The following NPY2R variants were observed in gnomAD, a reference collection of about 807,000 sequenced individuals.
NPY2R encodes the protein neuropeptide Y receptor Y2.
In NPY2R, 17 loss-of-function variants were observed where a neutral mutation model predicts 22.3. The ratio of observed to expected loss-of-function variants is 0.76; its 90% CI spans 0.52 to 1.14. The LOEUF (loss-of-function observed/expected upper bound fraction) is 1.14. Ranked by LOEUF, NPY2R falls within the 50% of genes most tolerant of loss-of-function variation. The pLI is 0.00. For missense variants in NPY2R, 424 were observed against 467.9 expected, an observed-to-expected ratio of 0.91 and a Z score of 0.87; for synonymous variants, 209 against 183.4, an observed-to-expected ratio of 1.14 and a Z score of -1.13.
the NPY2R span, among the ~76,000 whole-genome samples, chr4:155,196,577 T>G: frequency 4.0e-5 from 6 of 151,862 alleles, no homozygotes; most frequent in African/African-American, 1.5e-4. Context: ...GGATTTGAAT[T>G]ATGTCTGGAA....
At position 155,210,156 on chromosome 4, in the gene NPY2R, C is replaced by T. The variant is rs571101387; in HGVS notation, c.-49+1087C>T. 2.6e-5 allele frequency among the ~76,000 whole-genome samples: 4 copies of T among 152,218 alleles called. No individual in the cohort carries two copies. In the East Asian group the frequency reaches 7.7e-4, roughly 29 times the overall value. The stretch of plus-strand genomic sequence containing the variant: ...TGTTTCCTTTGTGTGCTTTTGATGG[C>T]AACTTCCTCTGTGTACCATTTTCCT... On this transcript the variant is annotated intron_variant, in intron 1 of 1. Coordinates refer to ENST00000329476, the MANE Select transcript of NPY2R (RefSeq NM_000910.4).
chr4:155,188,673 A>G, the NPY2R span, among the ~76,000 whole-genome samples: 7 of 152,122 alleles, frequency 4.6e-5, no homozygotes, highest in Non-Finnish European at 1.0e-4. Flanking sequence ...AAGGGACTGA[A>G]GAAGCCTCCA....
At chr4:155,207,696 G>T (rs1326243627), upstream of NPY2R, 10 of 152,282 alleles carry the variant, frequency 6.6e-5, no homozygotes, top group Non-Finnish European at 2.9e-5. Context: ...GGAGGCTCTG[G>T]GCATTAGCGG....
chr4:155,174,446 T>A, the NPY2R span, among the ~76,000 whole-genome samples: 2 of 126,422 alleles, frequency 1.6e-5, no homozygotes, highest in Non-Finnish European at 3.1e-5. Flanking sequence ...AAATTTGGCA[T>A]ATCATTGGCT....
chr4:155,186,297 T>C, the NPY2R span, among the ~76,000 whole-genome samples: 11 of 152,176 alleles, frequency 7.2e-5, no homozygotes, highest in African/African-American at 2.7e-4. Context: ...TTAACCATAA[T>C]GATAAATCAT....
At chr4:155,194,851 A>G in the NPY2R span, among the ~76,000 whole-genome samples, 3 of 151,976 alleles carry the variant, frequency 2.0e-5, no homozygotes, top group Admixed American at 2.0e-4. Flanking sequence ...CATTTCCACC[A>G]ACAGTATATA....
the NPY2R span, among the ~76,000 whole-genome samples, chr4:155,178,423 A>G: frequency 6.6e-5 from 10 of 152,206 alleles, no homozygotes; most frequent in Non-Finnish European, 1.3e-4. Flanking sequence ...TAGCATGTGC[A>G]CTAGCTTGAC....
the NPY2R span, among the ~76,000 whole-genome samples, chr4:155,185,318 G>A: frequency 6.6e-5 from 10 of 152,154 alleles, no homozygotes; most frequent in South Asian, 2.1e-4. Context: ...GATTACAGGC[G>A]TGAGCCACCG....
rs530963842 is a variant in NPY2R, at chr4:155,215,260, T to C, written c.*175T>C. 1 of 714,530 alleles carries C rather than the reference T, an allele frequency of 1.4e-6. No individual in the cohort carries two copies. The highest frequency in any genetic ancestry group is 2.5e-6 in the Non-Finnish European group (1 of 399,436). 44.3% of individuals were successfully genotyped at this position (714,530 alleles called of 1,614,324 possible). On this transcript the variant is annotated 3_prime_UTR_variant, in exon 2 of 2. Coordinates refer to ENST00000329476, the MANE Select transcript of NPY2R (RefSeq NM_000910.4). ...CTGGGCAGAGCCTGTGTGAAAATAC[T>C]GGAATTCAAAGATAAGGCAACAAAA... is the stretch of plus-strand genomic sequence containing the variant.
the NPY2R span, among the ~76,000 whole-genome samples, chr4:155,203,354 T>C: frequency 6.6e-6 from 1 of 152,292 alleles, no homozygotes; most frequent in South Asian, 2.1e-4. Flanking sequence ...TTGATGACCA[T>C]TTCTTGCCCA....
chr4:155,194,994 G>A, the NPY2R span, among the ~76,000 whole-genome samples: 4 of 151,814 alleles, frequency 2.6e-5, no homozygotes, highest in Non-Finnish European at 5.9e-5. Flanking sequence ...CAGGCATTTT[G>A]GGCATTTTTT....
At chr4:155,193,102 C>A in the NPY2R span, among the ~76,000 whole-genome samples, 1 of 151,902 alleles carries the variant, frequency 6.6e-6, no homozygotes, top group South Asian at 2.1e-4. Flanking sequence ...AGGAAGGAGG[C>A]AAGATGTCCA....
At chr4:155,196,000 A>G in the NPY2R span, among the ~76,000 whole-genome samples, 1 of 152,038 alleles carries the variant, frequency 6.6e-6, no homozygotes, top group African/African-American at 2.4e-5. Flanking sequence ...TGTCATCTAC[A>G]TGTTAAAGGA....
chr4:155,213,772 G>T, intron 1 of NPY2R, 120 bp from the exon 2 acceptor site: 1 of 645,750 alleles, frequency 1.5e-6, no homozygotes, highest in Non-Finnish European at 2.8e-6. Flanking sequence ...AGGATATTTT[G>T]ATCCCTAACC....
chr4:155,198,306 A>T, the NPY2R span, among the ~76,000 whole-genome samples: 1 of 151,726 alleles, frequency 6.6e-6, no homozygotes, highest in Non-Finnish European at 1.5e-5. Flanking sequence ...TTTCATAGTT[A>T]TATGCCTGAT....
intron 1 of NPY2R, among the ~76,000 whole-genome samples, chr4:155,212,554 T>C (rs980278335): frequency 2.0e-5 from 3 of 152,130 alleles, no homozygotes; most frequent in Non-Finnish European, 4.4e-5. Flanking sequence ...TTTGAAGAAG[T>C]AAAGGCGCCA....
chr4:155,174,008 G>A, the NPY2R span: 5 of 151,784 alleles, frequency 3.3e-5, no homozygotes, highest in Non-Finnish European at 7.4e-5. Context: ...GTCATTTTGG[G>A]ATTAAGTTCA....
chr4:155,201,285 G>T, the NPY2R span, among the ~76,000 whole-genome samples: 2 of 152,060 alleles, frequency 1.3e-5, no homozygotes, highest in African/African-American at 2.4e-5. Context: ...TATAGTTTCT[G>T]CCTGGGTCAC....
At position 155,214,539 on chromosome 4, in the gene NPY2R, T is replaced by C. The variant is rs1462686037; in HGVS notation, c.600T>C (p.Ile200=). 3 of 1,614,206 alleles carry C rather than the reference T, an allele frequency of 1.9e-6. No homozygotes were observed. Among genetic ancestry groups the C allele is most frequent in the Admixed American group, 3.3e-5 (2 of 60,028 alleles). The change falls in exon 2 of 2, where the codon ATT becomes ATC. Residue 200 remains isoleucine (I), a synonymous_variant. Coordinates refer to ENST00000329476, the MANE Select transcript of NPY2R (RefSeq NM_000910.4). ...TTGAGATCATCCCGGACTTTGAGAT[T>C]GTGGCCTGTACTGAAAAGTGGCCTG... ...SLIEIIPDFE[I]VACTEKWPGE...
Sources: gnomAD v4.1 joint callset for allele counts (sites outside exome capture counted in the v4.1 genomes callset) on GRCh38, gnomAD v4.1.1 for gene constraint, MANE v1.5 for transcripts, NCBI Gene and HGNC (gene_info 2026-07-23, HGNC 2026-07-21) for gene names.